The following BDH2 variants were observed in gnomAD, a reference collection of about 807,000 sequenced individuals.
The protein encoded by BDH2 is dehydrogenase/reductase SDR family member 6.
A neutral mutation model predicts 33.2 loss-of-function variants in BDH2; 24 were observed. That is an observed-to-expected ratio of 0.72 (90% CI 0.52 to 1.02). The LOEUF is 1.02. BDH2 is among the 50% of genes least tolerant of loss of function. The pLI, the probability that BDH2 is intolerant of heterozygous loss-of-function variation, is 0.00. For synonymous variants in BDH2, 81 were observed against 101.6 expected, an observed-to-expected ratio of 0.80 and a Z score of 1.22; for missense variants, 249 against 301.6, an observed-to-expected ratio of 0.83 and a Z score of 1.29.
At chr4:103,091,339 C>A (rs1748078947) in intron 4 of BDH2, 54 bp from the exon 5 acceptor site, 1 of 1,166,726 alleles carries the variant, frequency 8.6e-7, no homozygotes, top group Non-Finnish European at 1.3e-6. Flanking sequence ...TTTTTCTATT[C>A]CATCTGCTGA....
chr4:103,086,048 T>C (rs1747764171), intron 6 of BDH2: 1 of 1,149,040 alleles, frequency 8.7e-7, no homozygotes, highest in East Asian at 6.5e-5. Context: ...TTTCCCTGTA[T>C]TTTGACAGCG....
intron 7 of BDH2, among the ~76,000 whole-genome samples, chr4:103,084,801 TG>T (rs1295213922): frequency 8.5e-5 from 13 of 152,212 alleles, no homozygotes; most frequent in African/African-American, 2.4e-4. Context: ...GAATCTCTTG[TG>T]GGTCTTTCTA....
chr4:103,091,713 C>G, intron 4 of BDH2: 1 of 455,996 alleles, frequency 2.2e-6, no homozygotes, highest in South Asian at 1.5e-5. Flanking sequence ...CCACTGCCCT[C>G]TAGCCTGGGG....
rs1457137324 is a variant in BDH2, at chr4:103,091,219, A to G, written c.315T>C (p.Asn105=). 4 of 1,613,380 alleles carry G rather than the reference A, an allele frequency of 2.5e-6. No individual in the cohort carries two copies. The highest frequency in any genetic ancestry group is 1.7e-6 in the Non-Finnish European group (2 of 1,179,804). Residue 105 remains asparagine, a synonymous_variant, in exon 5 of 10, where the codon AAT becomes AAC. Coordinates refer to ENST00000296424, the MANE Select transcript of BDH2 (RefSeq NM_020139.4). The part of the protein sequence containing the change: ...EKDWDFSMNL[N]VRSMYLMIKA... ...TGATCATCAGGTACATGCTGCGCAC[A>G]TTGAGATTCATCGAGAAGTCCCAGT...
At chr4:103,081,732 G>A (rs896281649) in intron 9 of BDH2, among the ~76,000 whole-genome samples, 2 of 152,162 alleles carry the variant, frequency 1.3e-5, no homozygotes, top group East Asian at 3.8e-4. Flanking sequence ...TTCACTTAGA[G>A]CTCTTATAAT....
At chr4:103,093,678 T>C (rs959273659) in intron 3 of BDH2, among the ~76,000 whole-genome samples, 2 of 147,468 alleles carry the variant, frequency 1.4e-5, no homozygotes, top group African/African-American at 2.5e-5. Context: ...TTATAATATA[T>C]ACAATGTATT....
Position 103,082,215 on chromosome 4 carries a change from C to G in BDH2, c.592-42G>C, listed in dbSNP as rs747146692. On this transcript the variant is annotated intron_variant, in intron 8 of 9. Transcript: ENST00000296424. ...TACCAGACATTAGTGATGGAAGCAG[C>G]TGTATGTGCTCACCTGCATCTTGTT... is the stretch of plus-strand genomic sequence containing the variant. 3.9e-6 allele frequency: 6 copies of G among 1,530,554 alleles called. No homozygotes were observed. The Admixed American group carries it at 8.4e-5, about 21-fold the overall frequency. 94.8% of individuals were successfully genotyped at this position (1,530,554 alleles called of 1,614,324 possible). A position where few individuals can be genotyped will look rare whatever the true frequency, so the allele number is the denominator to read the frequency against.
chr4:103,092,415 C>T lies in BDH2; in HGVS notation c.248+185G>A, dbSNP rs1387465932. On this transcript the variant is annotated intron_variant, in intron 4 of 9. Coordinates refer to ENST00000296424, the MANE Select transcript of BDH2 (RefSeq NM_020139.4). The stretch of plus-strand genomic sequence containing the variant: ...CTCATTTGCCCCAGATCATGTCAAA[C>T]TCTAAGGCTGTCTTACCTGCTGAAT... The T allele has an allele frequency of 5.1e-6, 3 of 593,218 alleles. No individual in the cohort carries two copies. In the East Asian group the frequency reaches 8.6e-5, roughly 17 times the overall value. 36.7% of individuals were successfully genotyped at this position (593,218 alleles called of 1,614,324 possible). A position where few individuals can be genotyped will look rare whatever the true frequency, so the allele number is the denominator to read the frequency against.
chr4:103,082,660 G>A (rs1482128013), intron 8 of BDH2, among the ~76,000 whole-genome samples: 1 of 152,008 alleles, frequency 6.6e-6, no homozygotes, highest in Non-Finnish European at 1.5e-5. Flanking sequence ...GGGCTCAAGC[G>A]ATCCCCCAGC....
chr4:103,094,039 C>G (rs547173032), intron 3 of BDH2, among the ~76,000 whole-genome samples: 1 of 152,094 alleles, frequency 6.6e-6, no homozygotes, highest in Non-Finnish European at 1.5e-5. Flanking sequence ...TATAGGTTCT[C>G]TGTTCTGATT....
In BDH2 at chr4:103,082,145, T is replaced by G; in HGVS notation, c.620A>C (p.Lys207Thr). 1 of 1,614,182 alleles carries G rather than the reference T, an allele frequency of 6.2e-7. No homozygotes were observed. The highest frequency in any genetic ancestry group is 8.5e-7 in the Non-Finnish European group (1 of 1,180,006). The change falls in exon 9 of 10, where the codon AAG (lysine) becomes ACG (threonine). Residue 207 changes from lysine (K) to threonine (T), a missense_variant. Physicochemically the swap from Lys to Thr is moderately conservative, Grantham distance 78. Transcript: ENST00000296424. Reference protein sequence around the residue: ...EARNDFLKRQKTGRFATAEEI... With the variant: ...EARNDFLKRQTTGRFATAEEI... ...TTCTGCAGTTGCGAATCTTCCCGTC[T>G]TTTGTCTCTTCAGGAAATCATTCCG...
intron 3 of BDH2, among the ~76,000 whole-genome samples, chr4:103,093,288 A>T (rs560892309): frequency 8.1e-4 from 123 of 152,090 alleles, no homozygotes; most frequent in African/African-American, 2.8e-3. Context: ...CTTCCCCTTT[A>T]TGTCATTTCC....
rs1748169283 is a variant in BDH2, at chr4:103,092,715, G to A, written c.152-19C>T. 3 of 1,540,658 alleles carry A rather than the reference G, an allele frequency of 1.9e-6. No homozygotes were observed. The South Asian group carries it at 3.4e-5, about 17-fold the overall frequency. The stretch of plus-strand genomic sequence containing the variant: ...TGAATACCTGAAAAATAAAACAAGA[G>A]GCACTATTCCTAAAAATGTTTAGCC... On this transcript the variant is annotated intron_variant, in intron 3 of 9. Transcript: ENST00000296424.
At chr4:103,088,565 C>T (rs923362075) in intron 5 of BDH2, among the ~76,000 whole-genome samples, 4 of 152,210 alleles carry the variant, frequency 2.6e-5, no homozygotes, top group African/African-American at 9.6e-5. Context: ...GTCAGGCTCT[C>T]CCTGGCTCCC....
At chr4:103,092,527 T>C (rs898761737) in intron 4 of BDH2, 73 bp downstream of exon 4, 44 of 1,034,796 alleles carry the variant, frequency 4.3e-5, no homozygotes, top group Admixed American at 1.6e-4. Context: ...TTTGCCACAT[T>C]ATGAAAATTC....
At position 103,085,367 on chromosome 4, in the gene BDH2, A is replaced by G; in HGVS notation, c.514T>C (p.Cys172Arg). The change falls in exon 7 of 10, where the codon TGC becomes CGC. Residue 172 changes from cysteine (C) to arginine (R), a missense_variant. Transcript: ENST00000296424. ...TACTCACCTGGGCACACACAGTTGC[A>G]CCTGATGCCCTGCTGGATGAAATCT... ...AADFIQQGIR[C>R]NCVCPGTVDT... The G allele has an allele frequency of 6.2e-7, 1 of 1,610,892 alleles. No individual in the cohort carries two copies. Among genetic ancestry groups the G allele is most frequent in the African/African-American group, 1.3e-5 (1 of 74,984 alleles).
Position 103,082,097 on chromosome 4 carries a change from T to C in BDH2, c.668A>G (p.Tyr223Cys). 3.1e-6 allele frequency: 5 copies of C among 1,614,070 alleles called. No individual in the cohort carries two copies. Among genetic ancestry groups the C allele is most frequent in the Non-Finnish European group, 4.2e-6 (5 of 1,179,910 alleles). The stretch of plus-strand genomic sequence containing the variant: ...AGTGCTTACTTCATCAGAAGCCAAA[T>C]ACACGCAGAGCATGGCTATTTCTTC... ...TAEEIAMLCV[Y>C]LASDESAYVT... The change falls in exon 9 of 10, where the codon TAT (tyrosine) becomes TGT (cysteine). Residue 223 changes from tyrosine (Y) to cysteine (C), a missense_variant. Transcript: ENST00000296424.
At chr4:103,096,431 T>G (rs1748409531) in intron 1 of BDH2, among the ~76,000 whole-genome samples, 157 bp from the exon 2 acceptor site, 1 of 152,270 alleles carries the variant, frequency 6.6e-6, no homozygotes, top group African/African-American at 2.4e-5. Flanking sequence ...AGTCCCATCA[T>G]CTGAATTCTC....
intron 3 of BDH2, among the ~76,000 whole-genome samples, chr4:103,094,300 AC>A (rs1748254560): frequency 6.6e-6 from 1 of 152,172 alleles, no homozygotes; most frequent in South Asian, 2.1e-4. Flanking sequence ...AAATATTGAG[AC>A]GTTGGTCAAA....
Sources: allele counts gnomAD v4.1 joint callset (sites outside exome capture counted in the v4.1 genomes callset), GRCh38; gene constraint gnomAD v4.1.1; transcripts MANE v1.5; gene names NCBI Gene and HGNC (gene_info 2026-07-23, HGNC 2026-07-21).